The following KCTD8 variants were observed in gnomAD, a reference collection of about 807,000 sequenced individuals.
The protein encoded by KCTD8 is potassium channel tetramerization domain containing 8.
A neutral mutation model predicts 31.5 loss-of-function variants in KCTD8; 27 were observed. The ratio of observed to expected loss-of-function variants is 0.86; its 90% CI spans 0.63 to 1.18. The LOEUF (loss-of-function observed/expected upper bound fraction) is 1.18, where lower values mean the gene tolerates loss of function less well. Among genes scored for constraint, KCTD8 ranks in the 50% most tolerant of loss-of-function variants. KCTD8 has a pLI of 0.00. For synonymous variants in KCTD8, 290 were observed against 280.0 expected, an observed-to-expected ratio of 1.04 and a Z score of -0.36; for missense variants, 658 against 647.7, an observed-to-expected ratio of 1.02 and a Z score of -0.17.
chr4:44,439,519 T>C (rs1721763053), intron 1 of KCTD8, among the ~76,000 whole-genome samples: 1 of 152,192 alleles, frequency 6.6e-6, no homozygotes, highest in South Asian at 2.1e-4. Flanking sequence ...CCAGCAAAGT[T>C]GGTTTATTTT....
chr4:44,273,615 C>G (rs1156864672), intron 1 of KCTD8, among the ~76,000 whole-genome samples: 2 of 151,798 alleles, frequency 1.3e-5, no homozygotes, highest in Non-Finnish European at 2.9e-5. Flanking sequence ...AATTAAATTG[C>G]CAGAATACTT....
intron 1 of KCTD8, among the ~76,000 whole-genome samples, chr4:44,226,620 T>C (rs781129593): frequency 1.3e-5 from 2 of 152,148 alleles, no homozygotes; most frequent in Non-Finnish European, 2.9e-5. Context: ...AGCCACACTG[T>C]TTTCCACAAT....
At chr4:44,415,529 G>A (rs1322466562) in intron 1 of KCTD8, among the ~76,000 whole-genome samples, 3 of 152,136 alleles carry the variant, frequency 2.0e-5, no homozygotes, top group Non-Finnish European at 2.9e-5. Flanking sequence ...AAGCCTAAGA[G>A]GAAAGAATGG....
In KCTD8 at chr4:44,392,422, T is replaced by C. The variant is rs375988607; in HGVS notation, c.961+55141A>G. Among the ~76,000 whole-genome samples the C allele has an allele frequency of 2.6e-5, 4 of 152,120 alleles. No homozygotes were observed. The East Asian group carries it at 5.8e-4, about 22-fold the overall frequency. On this transcript the variant is annotated intron_variant, in intron 1 of 1. Coordinates refer to ENST00000360029, the MANE Select transcript of KCTD8 (RefSeq NM_198353.3). ...ATTAATAAAACACAAATTCAGCTTG[T>C]GGGTTAAGATTTAAACTGTCATTCC...
chr4:44,340,263 T>G (rs1240589280), intron 1 of KCTD8, among the ~76,000 whole-genome samples: 2 of 151,948 alleles, frequency 1.3e-5, no homozygotes, highest in African/African-American at 4.8e-5. Flanking sequence ...AAGAATATAT[T>G]TATAATACAT....
chr4:44,384,804 A>G (rs1720163951), intron 1 of KCTD8, among the ~76,000 whole-genome samples: 1 of 151,844 alleles, frequency 6.6e-6, no homozygotes, highest in African/African-American at 2.4e-5. Flanking sequence ...AGTTCTCAAC[A>G]CAAAAAGGGA....
At chr4:44,187,575 C>A (rs959736897) in intron 1 of KCTD8, among the ~76,000 whole-genome samples, 1 of 152,184 alleles carries the variant, frequency 6.6e-6, no homozygotes, top group Non-Finnish European at 1.5e-5. Flanking sequence ...AGGTAGCAAC[C>A]TTCTAATGAC....
rs367629962 is a variant in KCTD8 at position 44,335,730 on chromosome 4, C to A, written c.961+111833G>T. Among the ~76,000 whole-genome samples, 188 of 152,162 alleles carry A rather than the reference C, an allele frequency of 1.2e-3. 1 individual carries two copies. In the South Asian group the frequency reaches 0.016, roughly 13 times the overall value. The stretch of plus-strand genomic sequence containing the variant: ...TACTTTTAGGGAAAGACCTAAATAA[C>A]CCCTGTTATATTTACAATATAGATA... On this transcript the variant is annotated intron_variant, in intron 1 of 1. Transcript: ENST00000360029.
intron 1 of KCTD8, among the ~76,000 whole-genome samples, chr4:44,271,971 T>C (rs1716620903): frequency 6.6e-6 from 1 of 151,934 alleles, no homozygotes; most frequent in Non-Finnish European, 1.5e-5. Flanking sequence ...ACCAAGCTAG[T>C]CTTGGCATGT....
intron 1 of KCTD8, among the ~76,000 whole-genome samples, chr4:44,377,535 C>T (rs1719947491): frequency 6.6e-6 from 1 of 152,138 alleles, no homozygotes; most frequent in South Asian, 2.1e-4. Flanking sequence ...AGGGTGATCA[C>T]CAGTCCTTGG....
intron 1 of KCTD8, among the ~76,000 whole-genome samples, chr4:44,329,449 C>A (rs974443211): frequency 6.6e-6 from 1 of 151,866 alleles, no homozygotes; most frequent in Non-Finnish European, 1.5e-5. Flanking sequence ...ACTTTATCTT[C>A]TAATTTTTTA....
chr4:44,379,611 T>A (rs921699759), intron 1 of KCTD8, among the ~76,000 whole-genome samples: 3 of 152,126 alleles, frequency 2.0e-5, no homozygotes, highest in African/African-American at 7.2e-5. Context: ...GGAGAAAAGA[T>A]GGCACTTCAC....
At chr4:44,307,942 C>G (rs1468115022) in intron 1 of KCTD8, among the ~76,000 whole-genome samples, 2 of 151,942 alleles carry the variant, frequency 1.3e-5, no homozygotes, top group Non-Finnish European at 2.9e-5. Context: ...AGATGAATTA[C>G]AAAAAGACTG....
intron 1 of KCTD8, among the ~76,000 whole-genome samples, chr4:44,299,064 T>G (rs2109390682): frequency 6.6e-6 from 1 of 152,334 alleles, no homozygotes; most frequent in South Asian, 2.1e-4. Context: ...TTGCTAAAAC[T>G]TACTTTCAAG....
At chr4:44,446,382 T>C (rs1029538839) in intron 1 of KCTD8, among the ~76,000 whole-genome samples, 1 of 152,224 alleles carries the variant, frequency 6.6e-6, no homozygotes, top group African/African-American at 2.4e-5. Context: ...CAGGCAAGTT[T>C]TAACTTGTGT....
intron 1 of KCTD8, among the ~76,000 whole-genome samples, chr4:44,244,096 C>T (rs1021550525): frequency 9.2e-5 from 14 of 152,160 alleles, no homozygotes; most frequent in Admixed American, 9.2e-4. Context: ...ACAGATCATT[C>T]CAATTTGACT....
chr4:44,387,492 A>G (rs1720255129), intron 1 of KCTD8, among the ~76,000 whole-genome samples: 1 of 152,048 alleles, frequency 6.6e-6, no homozygotes, highest in East Asian at 1.9e-4. Flanking sequence ...TAGAGTAACC[A>G]GAACAACATA....
At chr4:44,271,384 A>ATAGC (rs1716593812) in intron 1 of KCTD8, among the ~76,000 whole-genome samples, 1 of 152,138 alleles carries the variant, frequency 6.6e-6, no homozygotes, top group South Asian at 2.1e-4. Flanking sequence ...GAGAGACAGA[A>ATAGC]TAGCATAATG....
At chr4:44,311,178 T>C (rs1220887968) in intron 1 of KCTD8, among the ~76,000 whole-genome samples, 1 of 152,258 alleles carries the variant, frequency 6.6e-6, no homozygotes, top group Admixed American at 6.5e-5. Context: ...TTATTTCTTC[T>C]GTCATTCTTC....
Sources: allele counts gnomAD v4.1 joint callset (sites outside exome capture counted in the v4.1 genomes callset), GRCh38; gene constraint gnomAD v4.1.1; transcripts MANE v1.5; gene names NCBI Gene and HGNC (gene_info 2026-07-23, HGNC 2026-07-21).